The following ZCCHC8 variants were observed in gnomAD, a reference collection of about 807,000 sequenced individuals.
ZCCHC8 encodes zinc finger CCHC-type containing 8, also known as zinc finger CCHC domain-containing protein 8.
In ZCCHC8, 27 loss-of-function variants were observed where a neutral mutation model predicts 70.6. The observed-to-expected ratio is 0.38, with a 90% CI of 0.28 to 0.53. ZCCHC8 has a LOEUF of 0.53. Ranked by LOEUF, ZCCHC8 falls within the 20% of genes least tolerant of loss-of-function variation. The pLI is 0.81. For missense variants in ZCCHC8, 737 were observed against 876.9 expected, an observed-to-expected ratio of 0.84 and a Z score of 2.01; for synonymous variants, 293 against 317.4, an observed-to-expected ratio of 0.92 and a Z score of 0.82.
chr12:122,498,351 C>G (rs1219781486), intron 2 of ZCCHC8, among the ~76,000 whole-genome samples: 1 of 151,972 alleles, frequency 6.6e-6, no homozygotes. Flanking sequence ...AGGCTGCTCT[C>G]GAACTGACCT....
At position 122,489,415 on chromosome 12, in the gene ZCCHC8, C is replaced by T. The variant is rs1419307468; in HGVS notation, c.472G>A (p.Ala158Thr). 1 of 1,613,694 alleles carries T rather than the reference C, an allele frequency of 6.2e-7. No homozygotes were observed. Among genetic ancestry groups the T allele is most frequent in the East Asian group, 2.2e-5 (1 of 44,886 alleles). Residue 158 changes from alanine (A) to threonine (T), a missense_variant, in exon 5 of 14, where the codon GCC becomes ACC. Physicochemically the swap from Ala to Thr is moderately conservative, Grantham distance 58. Coordinates refer to ENST00000633063, the MANE Select transcript of ZCCHC8 (RefSeq NM_017612.5). ...EEDHKVEESC[A>T]IKNNKEAFSV... ...AAAGCTTCCTTGTTGTTTTTAATGGCACAGGACTCTTCCACTTTGTGGTCC... is the reference window on the plus strand; with the variant it reads ...AAAGCTTCCTTGTTGTTTTTAATGGTACAGGACTCTTCCACTTTGTGGTCC...
chr12:122,495,326 C>A (rs1259138394), intron 2 of ZCCHC8, among the ~76,000 whole-genome samples: 1 of 151,670 alleles, frequency 6.6e-6, no homozygotes, highest in East Asian at 2.0e-4. Context: ...CCCATCTCTG[C>A]CAAAAAATAC....
At chr12:122,476,143 T>C (rs1420641818) in intron 13 of ZCCHC8, among the ~76,000 whole-genome samples, 1 of 152,244 alleles carries the variant, frequency 6.6e-6, no homozygotes, top group African/African-American at 2.4e-5. Flanking sequence ...CCACCACATT[T>C]ATATGAAAAT....
intron 5 of ZCCHC8, among the ~76,000 whole-genome samples, chr12:122,487,333 T>G (rs1350938500): frequency 2.0e-5 from 3 of 152,234 alleles, no homozygotes; most frequent in Non-Finnish European, 2.9e-5. Flanking sequence ...TTTCGTATTT[T>G]TTAAAGGTCT....
At chr12:122,496,963 G>A (rs113989529) in intron 2 of ZCCHC8, among the ~76,000 whole-genome samples, 3,404 of 152,078 alleles carry the variant, frequency 0.022, 116 homozygotes, top group African/African-American at 0.074. Flanking sequence ...TGGCCAACAC[G>A]GTGAAACCCC....
chr12:122,487,466 G>A (rs922220255), intron 5 of ZCCHC8, among the ~76,000 whole-genome samples: 4 of 152,136 alleles, frequency 2.6e-5, no homozygotes, highest in African/African-American at 9.7e-5. Context: ...TAAAGTGTCC[G>A]GATAACATCT....
intron 11 of ZCCHC8, 97 bp from the exon 12 acceptor site, chr12:122,478,389 T>C (rs1329843527): frequency 1.2e-6 from 1 of 811,086 alleles, no homozygotes; most frequent in Non-Finnish European, 2.0e-6. Context: ...AGATCTCAAA[T>C]TACATTTTTC....
chr12:122,489,139 A>G (rs1261282411), intron 5 of ZCCHC8, among the ~76,000 whole-genome samples: 3 of 152,250 alleles, frequency 2.0e-5, no homozygotes, highest in Non-Finnish European at 4.4e-5. Flanking sequence ...CTTCTTGAAT[A>G]AACACAGTGG....
At chr12:122,497,310 G>A (rs773216357) in intron 2 of ZCCHC8, among the ~76,000 whole-genome samples, 8 of 152,112 alleles carry the variant, frequency 5.3e-5, no homozygotes, top group Non-Finnish European at 1.0e-4. Context: ...GGGAGGTTGA[G>A]GTGGACAGAT....
At position 122,500,918 on chromosome 12, in the gene ZCCHC8, ACT is replaced by A; in HGVS notation, c.-80_-79del. ...GGGAAGAAGGTTGGAAGGCGGCACC[ACT>A]CTCTAGAGCTCTGGCCGCACGGAGC... On this transcript the variant is annotated 5_prime_UTR_variant, in exon 1 of 14. Coordinates refer to ENST00000633063, the MANE Select transcript of ZCCHC8 (RefSeq NM_017612.5). The surrounding 1 kb of genome is among the most constrained non-coding windows in gnomAD (Gnocchi z 4.8). 6.8e-7 allele frequency: 1 copy of A among 1,466,024 alleles called. No homozygotes were observed. Among genetic ancestry groups the A allele is most frequent in the South Asian group, 1.2e-5 (1 of 81,802 alleles). The allele number at this position is 1,466,024 out of a possible 1,614,324, so 90.8% of individuals were successfully genotyped here.
Position 122,473,733 on chromosome 12 carries a change from C to T in ZCCHC8, c.1888G>A (p.Val630Ile), listed in dbSNP as rs1200474022. The stretch of plus-strand genomic sequence containing the variant: ...CCATTGCTGATGTCACAGTTTGGTA[C>T]GACACTGCCATTATCAAGAAGGGCA... ...EGALLDNGSV[V>I]PNCDISNGGS... The change falls in exon 14 of 14, where the codon GTA (valine) becomes ATA (isoleucine). Residue 630 changes from valine (V) to isoleucine (I), a missense_variant. Val to Ile is a conservative substitution (Grantham distance 29). Coordinates refer to ENST00000633063, the MANE Select transcript of ZCCHC8 (RefSeq NM_017612.5). The T allele has an allele frequency of 1.9e-5, 30 of 1,613,748 alleles. No individual in the cohort carries two copies. Among genetic ancestry groups the T allele is most frequent in the Non-Finnish European group, 2.4e-5 (28 of 1,179,828 alleles).
chr12:122,490,647 A>G (rs1957727576), intron 3 of ZCCHC8, 80 bp from the exon 4 acceptor site: 1 of 773,642 alleles, frequency 1.3e-6, no homozygotes, highest in East Asian at 2.7e-5. Flanking sequence ...TTACTGTAAG[A>G]TTTCAAGTGT....
At position 122,481,964 on chromosome 12, in the gene ZCCHC8, A is replaced by C. The variant is rs1957543372; in HGVS notation, c.856T>G (p.Phe286Val). 3.1e-6 allele frequency: 5 copies of C among 1,613,036 alleles called. No individual in the cohort carries two copies. Among genetic ancestry groups the C allele is most frequent in the Non-Finnish European group, 3.4e-6 (4 of 1,179,610 alleles). Reference sequence around the variant, plus strand: ...TAGTACCTAATAACTCCTGGCTTGAATCTTCCAAATCTTTCTTCTACTTCT... The same window carrying C: ...TAGTACCTAATAACTCCTGGCTTGACTCTTCCAAATCTTTCTTCTACTTCT... Reference protein sequence around the residue: ...AEEVEERFGRFKPGVISEELQ... With the variant: ...AEEVEERFGRVKPGVISEELQ... Residue 286 changes from phenylalanine (F) to valine (V), a missense_variant, in exon 9 of 14, where the codon TTC (phenylalanine) becomes GTC (valine). Physicochemically the swap from Phe to Val is conservative, Grantham distance 50. Transcript: ENST00000633063.
In ZCCHC8 at chr12:122,471,686, T is replaced by C. The variant is rs1024587446; in HGVS notation, c.*1811A>G. On this transcript the variant is annotated 3_prime_UTR_variant, in exon 14 of 14. Coordinates refer to ENST00000633063, the MANE Select transcript of ZCCHC8 (RefSeq NM_017612.5). ...AAATTTTATTCTATTTCTAGCACAT[T>C]CTGTGAGGGCTTTAAAAAGAAATTT... 4.6e-5 allele frequency: 7 copies of C among 152,244 alleles called. No individual in the cohort carries two copies. Among genetic ancestry groups the C allele is most frequent in the African/African-American group, 1.7e-4 (7 of 41,468 alleles). 9.4% of individuals were successfully genotyped at this position (152,244 alleles called of 1,614,324 possible).
At chr12:122,495,487 GCT>G (rs1382227229) in intron 2 of ZCCHC8, among the ~76,000 whole-genome samples, 12 of 152,122 alleles carry the variant, frequency 7.9e-5, no homozygotes, top group African/African-American at 2.9e-4. Flanking sequence ...TGAGACTCTG[GCT>G]CTGTCTCAAA....
At position 122,472,205 on chromosome 12, in the gene ZCCHC8, CTT is replaced by C. The variant is rs752095414; in HGVS notation, c.*1290_*1291del. On this transcript the variant is annotated 3_prime_UTR_variant, in exon 14 of 14. Transcript: ENST00000633063. ...GCTACCACTGATTTTTACAATTTACCTTTTTTTTTTTTTTTTTTTGAGATGGA... is the reference window on the plus strand; with the variant it reads ...GCTACCACTGATTTTTACAATTTACCTTTTTTTTTTTTTTTTTGAGATGGA... 153 of 129,558 alleles carry C rather than the reference CTT, an allele frequency of 1.2e-3. No individual in the cohort carries two copies. Among genetic ancestry groups the C allele is most frequent in the African/African-American group, 4.3e-3 (133 of 30,828 alleles). The allele number at this position is 129,558 out of a possible 1,614,324, so 8.0% of individuals were successfully genotyped here. A position where few individuals can be genotyped will look rare whatever the true frequency, so the allele number is the denominator to read the frequency against.
chr12:122,492,580 C>T, intron 3 of ZCCHC8, 135 bp downstream of exon 3: 2 of 650,628 alleles, frequency 3.1e-6, no homozygotes. Context: ...ATCATGATTC[C>T]TTGTACTTTA....
Position 122,481,513 on chromosome 12 carries a change from A to C in ZCCHC8, c.1018+9T>G. The C allele has an allele frequency of 3.1e-6, 5 of 1,604,568 alleles. No individual in the cohort carries two copies. The highest frequency in any genetic ancestry group is 4.2e-6 in the Non-Finnish European group (5 of 1,177,082). ...CTTAAGGTGACTTCTCTAACTTAAG[A>C]TACTATACCTTTTCCATCATAGAGT... On this transcript the variant is annotated intron_variant, in intron 10 of 13. Transcript: ENST00000633063.
At chr12:122,488,593 C>T (rs180686049) in intron 5 of ZCCHC8, among the ~76,000 whole-genome samples, 81 of 151,052 alleles carry the variant, frequency 5.4e-4, no homozygotes, top group Admixed American at 5.3e-3. Context: ...ATATGCTGCG[C>T]TGGGCACAGT....
Sources: gnomAD v4.1 joint callset for allele counts (sites outside exome capture counted in the v4.1 genomes callset) on GRCh38, gnomAD v4.1.1 for gene constraint, Gnocchi (gnomAD v3.1) non-coding constraint, MANE v1.5 for transcripts, NCBI Gene and HGNC (gene_info 2026-07-23, HGNC 2026-07-21) for gene names.